Variants in TNR observed in about 807,000 individuals in gnomAD.
TNR encodes the protein tenascin R, also known as tenascin-R.
Under a neutral mutation model 150.4 loss-of-function variants are expected in TNR, and 45 were observed. That is an observed-to-expected ratio of 0.30 (90% CI 0.24 to 0.38). TNR has a LOEUF of 0.38. Among genes scored for constraint, TNR ranks in the 10% least tolerant of loss-of-function variants. The probability of loss-of-function intolerance (pLI) is 1.00; values close to 1 mark genes in which losing one functional copy is unlikely to be tolerated. For missense variants in TNR, 1,544 were observed against 1,759.1 expected, an observed-to-expected ratio of 0.88 and a Z score of 2.19; for synonymous variants, 687 against 678.4, an observed-to-expected ratio of 1.01 and a Z score of -0.20.
chr1:175,328,807 A>G (rs932716524), intron 21 of TNR, among the ~76,000 whole-genome samples: 7 of 152,140 alleles, frequency 4.6e-5, no homozygotes, highest in Non-Finnish European at 7.4e-5. Context: ...GCGGATGAAG[A>G]GGAGGGAGGG....
intron 2 of TNR, among the ~76,000 whole-genome samples, chr1:175,511,311 TTG>T (rs1659165284): frequency 6.6e-6 from 1 of 152,264 alleles, no homozygotes; most frequent in African/African-American, 2.4e-5. Flanking sequence ...TTTCATTAAA[TTG>T]TGTTTTCATT....
chr1:175,513,008 A>G (rs902502000), intron 2 of TNR, among the ~76,000 whole-genome samples: 2 of 152,176 alleles, frequency 1.3e-5, no homozygotes, highest in East Asian at 1.9e-4. Flanking sequence ...TCAGGTCAGT[A>G]TGGTTCCCTG....
rs369217905 is a variant in TNR, at chr1:175,426,118, G to A, written c.-63-19341C>T. ...AGGGAGACTCAGCCTCCAAGAGAGCGCAGCGTCTGTATTCTTCTAATTTAG... is the reference window on the plus strand; with the variant it reads ...AGGGAGACTCAGCCTCCAAGAGAGCACAGCGTCTGTATTCTTCTAATTTAG... On this transcript the variant is annotated intron_variant, in intron 2 of 22. Coordinates refer to ENST00000367674, the MANE Select transcript of TNR (RefSeq NM_003285.3). Among the ~76,000 whole-genome samples the A allele has an allele frequency of 4.6e-5, 7 of 152,298 alleles. No homozygotes were observed. The East Asian group carries it at 9.7e-4, about 21-fold the overall frequency.
chr1:175,382,964 CTTCCTTCTGAGGGCTGT>C, intron 8 of TNR, among the ~76,000 whole-genome samples: 1 of 152,016 alleles, frequency 6.6e-6, no homozygotes, highest in Non-Finnish European at 1.5e-5. Flanking sequence ...AGTAGGGCTG[CTTCCTTCTGAGGGCTGT>C]GAGTGAGAAT....
chr1:175,516,086 TTTTATTCAGAACCA>T (rs1659394420), intron 2 of TNR, among the ~76,000 whole-genome samples: 1 of 152,362 alleles, frequency 6.6e-6, no homozygotes, highest in Admixed American at 6.5e-5. Context: ...GCTCTTGGTT[TTTTATTCAGAACCA>T]TTTATTCAGA....
intron 2 of TNR, among the ~76,000 whole-genome samples, chr1:175,431,635 C>CTTTT (rs35340891): frequency 2.1e-5 from 3 of 143,090 alleles, no homozygotes; most frequent in African/African-American, 7.8e-5. Flanking sequence ...CTGACAATAA[C>CTTTT]TTTTTTTTTT....
intron 1 of TNR, among the ~76,000 whole-genome samples, chr1:175,595,626 T>G (rs747561697): frequency 1.2e-4 from 18 of 152,216 alleles, no homozygotes; most frequent in Non-Finnish European, 2.4e-4. Context: ...CTGTCCCATC[T>G]TTTCTGTTTT....
intron 20 of TNR, among the ~76,000 whole-genome samples, chr1:175,331,395 C>T (rs10798384): frequency 0.48 from 71,979 of 151,294 alleles, 19,404 homozygotes; most frequent in East Asian, 0.77. Context: ...TCCCAAGTAG[C>T]TGGGACTACA....
intron 1 of TNR, among the ~76,000 whole-genome samples, chr1:175,554,123 CTG>C (rs1386100769): frequency 1.3e-5 from 2 of 152,168 alleles, no homozygotes; most frequent in African/African-American, 2.4e-5. Flanking sequence ...TATATTCACT[CTG>C]TGTTAGCTTT....
intron 1 of TNR, among the ~76,000 whole-genome samples, chr1:175,645,467 C>T (rs536570098): frequency 6.6e-5 from 10 of 152,310 alleles, no homozygotes; most frequent in South Asian, 2.1e-4. Context: ...GAGAAGCAAA[C>T]ATTTTCTTGA....
intron 1 of TNR, among the ~76,000 whole-genome samples, chr1:175,596,244 A>C (rs1432268676): frequency 6.6e-6 from 1 of 152,208 alleles, no homozygotes; most frequent in East Asian, 1.9e-4. Context: ...TCGAAAGATG[A>C]AGAAACCCGT....
chr1:175,601,881 A>G (rs1486806468), intron 1 of TNR, among the ~76,000 whole-genome samples: 1 of 152,202 alleles, frequency 6.6e-6, no homozygotes, highest in Non-Finnish European at 1.5e-5. Context: ...GAATGAACAT[A>G]CTTGCAAAAC....
chr1:175,444,469 CT>C (rs763812789), intron 2 of TNR, among the ~76,000 whole-genome samples: 18 of 152,220 alleles, frequency 1.2e-4, no homozygotes, highest in Non-Finnish European at 2.5e-4. Flanking sequence ...GGGTTCCTTA[CT>C]CCTTGGTCTG....
intron 1 of TNR, among the ~76,000 whole-genome samples, chr1:175,741,551 G>C (rs1264572649): frequency 6.6e-6 from 1 of 152,110 alleles, no homozygotes; most frequent in Non-Finnish European, 1.5e-5. Context: ...AGTCAGTGTT[G>C]GTTTCTGATG....
At chr1:175,652,427 T>G (rs549783444) in intron 1 of TNR, among the ~76,000 whole-genome samples, 10 of 152,162 alleles carry the variant, frequency 6.6e-5, no homozygotes, top group African/African-American at 2.2e-4. Context: ...AATAAGAAGT[T>G]ACTATCTGTA....
intron 7 of TNR, among the ~76,000 whole-genome samples, chr1:175,388,006 G>A (rs1384955343): frequency 6.6e-6 from 1 of 152,240 alleles, no homozygotes; most frequent in Non-Finnish European, 1.5e-5. Flanking sequence ...ATTTGAGGTA[G>A]TAATGTGATT....
Position 175,320,791 on chromosome 1 carries a change from C to G in TNR, c.*2566G>C, listed in dbSNP as rs1047306099. ...CCTCCCTCCCTCCCCTTCCTTCTTT[C>G]CTTCCTTCCTTCCTTCCTTCTTTCC... On this transcript the variant is annotated 3_prime_UTR_variant, in exon 23 of 23. Coordinates refer to ENST00000367674, the MANE Select transcript of TNR (RefSeq NM_003285.3). The G allele has an allele frequency of 5.1e-5, 6 of 116,684 alleles. No individual in the cohort carries two copies. The highest frequency in any genetic ancestry group is 2.0e-4 in the African/African-American group (6 of 30,474). 7.2% of individuals were successfully genotyped at this position (116,684 alleles called of 1,614,324 possible). A position where few individuals can be genotyped will look rare whatever the true frequency, so the allele number is the denominator to read the frequency against.
At position 175,324,375 on chromosome 1, in the gene TNR, C is replaced by T. The variant is rs1235552937; in HGVS notation, c.3938G>A (p.Gly1313Glu). ...CHRTNLNGKY[G>E]ESRHSQGINW... ...GCTTACCTGACTGTGCCTGGACTCCCCGTACTTCCCATTGAGGTTGGTCCG... is the reference window on the plus strand; with the variant it reads ...GCTTACCTGACTGTGCCTGGACTCCTCGTACTTCCCATTGAGGTTGGTCCG... The change falls in exon 22 of 23, where the codon GGG (glycine) becomes GAG (glutamate). Residue 1313 changes from glycine to glutamate, a missense_variant. Gly to Glu is a moderately conservative substitution (Grantham distance 98). This residue lies in a region of TNR where 290 missense variants were observed against 429.7 expected (regional missense o/e 0.67). Transcript: ENST00000367674. 2 of 1,613,808 alleles carry T rather than the reference C, an allele frequency of 1.2e-6. No homozygotes were observed. The highest frequency in any genetic ancestry group is 1.7e-6 in the Non-Finnish European group (2 of 1,179,984).
At chr1:175,331,220 T>TC (rs1649905787) in intron 20 of TNR, among the ~76,000 whole-genome samples, 1 of 127,614 alleles carries the variant, frequency 7.8e-6, no homozygotes, top group African/African-American at 2.8e-5. Flanking sequence ...CTTCCTTCCT[T>TC]CTTTCCTGCC....
Sources: gnomAD v4.1 joint callset for allele counts (sites outside exome capture counted in the v4.1 genomes callset) on GRCh38, gnomAD v4.1.1 for gene constraint, gnomAD v4.1.1 regional missense constraint, MANE v1.5 for transcripts, NCBI Gene and HGNC (gene_info 2026-07-23, HGNC 2026-07-21) for gene names.